GSG1L: variants seen among roughly 807,000 people sequenced by gnomAD.
The protein encoded by GSG1L is germ cell-specific gene 1-like protein.
GSG1L carries 24 observed loss-of-function variants against 42.1 expected under a neutral mutation model. The ratio of observed to expected loss-of-function variants is 0.57; its 90% CI spans 0.41 to 0.80. The LOEUF (loss-of-function observed/expected upper bound fraction) is 0.80, where lower values mean the gene tolerates loss of function less well. Among genes scored for constraint, GSG1L ranks in the 30% least tolerant of loss-of-function variants. The pLI, the probability that GSG1L is intolerant of heterozygous loss-of-function variation, is 0.00. For missense variants in GSG1L, 445 were observed against 472.2 expected, an observed-to-expected ratio of 0.94 and a Z score of 0.53; for synonymous variants, 215 against 203.5, an observed-to-expected ratio of 1.06 and a Z score of -0.48.
At chr16:27,909,188 C>G (rs968282046) in intron 2 of GSG1L, among the ~76,000 whole-genome samples, 1 of 152,074 alleles carries the variant, frequency 6.6e-6, no homozygotes, top group African/African-American at 2.4e-5. Flanking sequence ...GCTATCCTGT[C>G]GCTATGGTGC....
chr16:28,026,233 C>T (rs1029386799), intron 1 of GSG1L, among the ~76,000 whole-genome samples: 5 of 152,246 alleles, frequency 3.3e-5, no homozygotes, highest in Non-Finnish European at 7.4e-5. Context: ...GTCCAGCACC[C>T]GGTATATCAC....
intron 1 of GSG1L, among the ~76,000 whole-genome samples, chr16:27,985,397 G>A (rs2085369748): frequency 6.6e-6 from 1 of 151,922 alleles, no homozygotes; most frequent in African/African-American, 2.4e-5. Context: ...TCTTTCTCTA[G>A]CTCTCTCTCT....
At chr16:27,850,182 T>C (rs1202201078) in intron 3 of GSG1L, among the ~76,000 whole-genome samples, 1 of 151,648 alleles carries the variant, frequency 6.6e-6, no homozygotes, top group Non-Finnish European at 1.5e-5. Flanking sequence ...GTGCCACCAC[T>C]ACACCCGGCT....
chr16:27,888,514 T>C (rs1239457206), intron 2 of GSG1L, among the ~76,000 whole-genome samples: 1 of 16,296 alleles, frequency 6.1e-5, no homozygotes, highest in African/African-American at 1.8e-4. Context: ...TTTCTTTCTT[T>C]CTTTCTTTCT....
chr16:27,845,917 T>C (rs2083437742), intron 3 of GSG1L, among the ~76,000 whole-genome samples: 1 of 152,086 alleles, frequency 6.6e-6, no homozygotes, highest in Non-Finnish European at 1.5e-5. Context: ...ACTTTTTTTT[T>C]TTTGAGAAAG....
intron 5 of GSG1L, among the ~76,000 whole-genome samples, chr16:27,814,210 C>G (rs1476738415): frequency 1.3e-5 from 2 of 152,142 alleles, no homozygotes; most frequent in African/African-American, 4.8e-5. Flanking sequence ...CTTCTGGGCT[C>G]AAGCGATCCT....
At chr16:28,060,763 G>A (rs566246669) in intron 1 of GSG1L, among the ~76,000 whole-genome samples, 58 of 152,256 alleles carry the variant, frequency 3.8e-4, no homozygotes, top group African/African-American at 1.3e-3. Flanking sequence ...CAAAGGTGGC[G>A]GCCAGGATTC....
intron 2 of GSG1L, among the ~76,000 whole-genome samples, chr16:27,951,635 T>C (rs1190467392): frequency 6.6e-6 from 1 of 152,304 alleles, no homozygotes; most frequent in East Asian, 1.9e-4. Flanking sequence ...ACCTGGCGTA[T>C]TCCGGCTGCA....
chr16:27,893,435 A>G (rs181032742), intron 2 of GSG1L, among the ~76,000 whole-genome samples: 1 of 152,332 alleles, frequency 6.6e-6, no homozygotes, highest in African/African-American at 2.4e-5. Context: ...CATTCCTAAA[A>G]TGGGCATAAT....
intron 2 of GSG1L, among the ~76,000 whole-genome samples, chr16:27,917,402 G>T (rs1461400803): frequency 6.6e-6 from 1 of 151,904 alleles, no homozygotes; most frequent in Non-Finnish European, 1.5e-5. Flanking sequence ...TAGCTCCAAG[G>T]ATGTAGGGGG....
At chr16:27,963,890 T>G (rs1201905467) in intron 1 of GSG1L, among the ~76,000 whole-genome samples, 1 of 152,132 alleles carries the variant, frequency 6.6e-6, no homozygotes, top group African/African-American at 2.4e-5. Context: ...CAGGTGCAAG[T>G]TAGTGGCACT....
In GSG1L at chr16:27,789,036, G is replaced by A. The variant is rs2082721985; in HGVS notation, c.*2334C>T. 6.6e-6 allele frequency: 1 copy of A among 152,236 alleles called. No individual in the cohort carries two copies. The allele number at this position is 152,236 out of a possible 1,614,324, so 9.4% of individuals were successfully genotyped here. On this transcript the variant is annotated 3_prime_UTR_variant, in exon 7 of 7. Transcript: ENST00000447459. Reference sequence around the variant, plus strand: ...TCAGTGAATAGATGGATGCACAGCTGGATGGTTGAGTAATGAGGATGTGTG... The same window carrying A: ...TCAGTGAATAGATGGATGCACAGCTAGATGGTTGAGTAATGAGGATGTGTG...
chr16:27,986,184 T>G (rs1000495095), intron 1 of GSG1L, among the ~76,000 whole-genome samples: 1 of 152,160 alleles, frequency 6.6e-6, no homozygotes, highest in Admixed American at 6.5e-5. Flanking sequence ...GGCTACTCCT[T>G]TCTTTGCATG....
At chr16:27,803,184 A>T (rs2082903024) in intron 6 of GSG1L, among the ~76,000 whole-genome samples, 2 of 151,866 alleles carry the variant, frequency 1.3e-5, no homozygotes, top group Admixed American at 1.3e-4. Flanking sequence ...TCAGTCACTT[A>T]TCTGATGCTG....
intron 3 of GSG1L, among the ~76,000 whole-genome samples, chr16:27,873,695 G>A (rs1011695131): frequency 3.9e-5 from 6 of 152,174 alleles, no homozygotes; most frequent in African/African-American, 9.7e-5. Context: ...TTAAAATTAA[G>A]GTCCTATCCA....
intron 3 of GSG1L, among the ~76,000 whole-genome samples, chr16:27,851,963 T>C (rs985406952): frequency 3.9e-5 from 6 of 152,160 alleles, no homozygotes; most frequent in Non-Finnish European, 7.4e-5. Flanking sequence ...GGTGAGGACA[T>C]AGAGCAGCGG....
chr16:27,998,322 T>C (rs375807324), intron 1 of GSG1L: 4 of 152,242 alleles, frequency 2.6e-5, no homozygotes, highest in East Asian at 1.9e-4. Context: ...CATGAATGTG[T>C]GTGTTATCCT....
At chr16:28,009,570 T>C (rs1425686587) in intron 1 of GSG1L, among the ~76,000 whole-genome samples, 4 of 152,154 alleles carry the variant, frequency 2.6e-5, no homozygotes, top group African/African-American at 9.7e-5. Context: ...TCATTACCTA[T>C]TTGGTGAATG....
intron 1 of GSG1L, among the ~76,000 whole-genome samples, chr16:27,974,671 G>A (rs1452591957): frequency 1.3e-5 from 2 of 152,108 alleles, no homozygotes; most frequent in Non-Finnish European, 2.9e-5. Flanking sequence ...GCAGGCCAGG[G>A]GCACACAGAC....
Sources: allele counts gnomAD v4.1 joint callset (sites outside exome capture counted in the v4.1 genomes callset), GRCh38; gene constraint gnomAD v4.1.1; transcripts MANE v1.5; gene names NCBI Gene and HGNC (gene_info 2026-07-23, HGNC 2026-07-21).